The following LAMC3 variants were observed in gnomAD, a reference collection of about 807,000 sequenced individuals.
The protein encoded by LAMC3 is laminin subunit gamma 3, also known as laminin subunit gamma-3.
A neutral mutation model predicts 173.8 loss-of-function variants in LAMC3; 128 were observed. The observed-to-expected ratio is 0.74, with a 90% CI of 0.64 to 0.85. LAMC3 has a LOEUF of 0.85. Ranked by LOEUF, LAMC3 falls within the 40% of genes least tolerant of loss-of-function variation. The pLI, the probability that LAMC3 is intolerant of heterozygous loss-of-function variation, is 0.00. For missense variants in LAMC3, 2,022 were observed against 2,156.0 expected (o/e 0.94, Z 1.23); for synonymous variants, 897 against 909.1 (o/e 0.99, Z 0.24).
At chr9:131,024,623 T>C (rs1833686480) in intron 1 of LAMC3, among the ~76,000 whole-genome samples, 1 of 152,170 alleles carries the variant, frequency 6.6e-6, no homozygotes, top group Admixed American at 6.5e-5. Flanking sequence ...TCTTCTGTGC[T>C]GCTCTGGGAA....
intron 25 of LAMC3, 44 bp from the exon 26 acceptor site, chr9:131,087,432 G>A (rs1247328205): frequency 6.2e-7 from 1 of 1,612,340 alleles, no homozygotes; most frequent in African/African-American, 1.3e-5. Context: ...AAAAGGACTT[G>A]CTGCACTCAC....
intron 11 of LAMC3, among the ~76,000 whole-genome samples, chr9:131,056,529 TCA>T (rs1479082417): frequency 1.4e-5 from 2 of 147,138 alleles, no homozygotes; most frequent in Non-Finnish European, 3.0e-5. Flanking sequence ...GCGCAGTGGC[TCA>T]CACATGCAAT....
intron 1 of LAMC3, among the ~76,000 whole-genome samples, chr9:131,010,734 G>A (rs969203730): frequency 2.0e-5 from 3 of 152,242 alleles, no homozygotes; most frequent in African/African-American, 7.2e-5. Flanking sequence ...AGCTGCGCCC[G>A]GTGGCATGGC....
rs369251232 is a variant in LAMC3, at chr9:131,066,940, C to G, written c.2348-20C>G. 42 of 1,612,808 alleles carry G rather than the reference C, an allele frequency of 2.6e-5. No individual in the cohort carries two copies. Among genetic ancestry groups the G allele is most frequent in the Non-Finnish European group, 3.3e-5 (39 of 1,179,720 alleles). ...GGTCCAGCCAGCTGTGTTCCCCACACGTGCTCCCTCTACACACAGGGCGGC... is the reference window on the plus strand; with the variant it reads ...GGTCCAGCCAGCTGTGTTCCCCACAGGTGCTCCCTCTACACACAGGGCGGC... On this transcript the variant is annotated intron_variant, in intron 13 of 27. Coordinates refer to ENST00000361069, the MANE Select transcript of LAMC3 (RefSeq NM_006059.4).
At chr9:131,079,077 C>T (rs1830187146) in intron 22 of LAMC3, 72 bp from the exon 23 acceptor site, 1 of 1,568,610 alleles carries the variant, frequency 6.4e-7, no homozygotes, top group Non-Finnish European at 8.7e-7. Context: ...AGCAGGGCAC[C>T]TCCCCCAAGG....
chr9:131,086,902 A>G (rs537144887), intron 25 of LAMC3, among the ~76,000 whole-genome samples: 2,656 of 149,978 alleles, frequency 0.018, 76 homozygotes, highest in African/African-American at 0.062. Context: ...AAAAAAAAAG[A>G]AAAAAAAGAT....
intron 1 of LAMC3, among the ~76,000 whole-genome samples, chr9:131,015,986 G>A (rs1415307861): frequency 6.6e-6 from 1 of 152,180 alleles, no homozygotes; most frequent in Non-Finnish European, 1.5e-5. Flanking sequence ...ATAGCCAAAG[G>A]CAAGGCAGCC....
intron 12 of LAMC3, among the ~76,000 whole-genome samples, chr9:131,059,479 G>C (rs1307483413): frequency 5.0e-5 from 6 of 118,860 alleles, no homozygotes; most frequent in Non-Finnish European, 9.7e-5. Context: ...GCGACAGAGC[G>C]GACTCCGTCT....
intron 19 of LAMC3, 100 bp from the exon 20 acceptor site, chr9:131,073,145 G>A (rs910488673): frequency 1.2e-5 from 11 of 932,348 alleles, no homozygotes; most frequent in East Asian, 7.2e-5. Flanking sequence ...TTTATAAAAC[G>A]ACGGGTGCCA....
chr9:131,019,385 C>T (rs1833588151), intron 1 of LAMC3, among the ~76,000 whole-genome samples: 1 of 152,186 alleles, frequency 6.6e-6, no homozygotes, highest in Non-Finnish European at 1.5e-5. Context: ...AAGAGGTGCC[C>T]AATAAATGCT....
chr9:131,052,019 G>A (rs1389899246), intron 9 of LAMC3, among the ~76,000 whole-genome samples: 1 of 152,172 alleles, frequency 6.6e-6, no homozygotes, highest in Non-Finnish European at 1.5e-5. Context: ...GCATGGCCCG[G>A]GGCCCAGAGC....
intron 9 of LAMC3, among the ~76,000 whole-genome samples, chr9:131,050,803 G>A (rs544471619): frequency 6.6e-6 from 1 of 151,866 alleles, no homozygotes; most frequent in Non-Finnish European, 1.5e-5. Flanking sequence ...GTATTTAATG[G>A]TGCAAGCTTG....
At chr9:131,072,512 G>T in intron 18 of LAMC3, 118 bp from the exon 19 acceptor site, 1 of 833,122 alleles carries the variant, frequency 1.2e-6, no homozygotes, top group Non-Finnish European at 2.0e-6. Context: ...CTACCTGTTG[G>T]TGCTCAGGGC....
At position 131,082,140 on chromosome 9, in the gene LAMC3, A is replaced by G. The variant is rs1490540754; in HGVS notation, c.4009A>G (p.Thr1337Ala). The G allele has an allele frequency of 6.2e-7, 1 of 1,613,534 alleles. No homozygotes were observed. Among genetic ancestry groups the G allele is most frequent in the Non-Finnish European group, 8.5e-7 (1 of 1,179,764 alleles). ...GACAGTGACTGTCATGGGAGCCAGG[A>G]CTCTGCTGGCTGATCTGGAAGGTAC... is the stretch of plus-strand genomic sequence containing the variant. ...AATVTVMGAR[T>A]LLADLEGMKL... Residue 1337 changes from threonine to alanine, a missense_variant, in exon 24 of 28, where the codon ACT (threonine) becomes GCT (alanine). Transcript: ENST00000361069.
chr9:131,012,370 C>T (rs1446735238), intron 1 of LAMC3, among the ~76,000 whole-genome samples: 2 of 152,208 alleles, frequency 1.3e-5, no homozygotes, highest in Admixed American at 6.5e-5. Context: ...GGATAAGAGT[C>T]GCCACTTCCT....
intron 27 of LAMC3, among the ~76,000 whole-genome samples, chr9:131,091,030 A>G (rs1282803284): frequency 6.6e-6 from 1 of 152,178 alleles, no homozygotes; most frequent in East Asian, 1.9e-4. Flanking sequence ...CAATAAATAA[A>G]TAAATGCATC....
intron 3 of LAMC3, among the ~76,000 whole-genome samples, chr9:131,032,444 TC>T (rs1387131782): frequency 2.6e-4 from 33 of 124,708 alleles, no homozygotes; most frequent in East Asian, 1.2e-3. Context: ...CCTTCCTCCC[TC>T]CCTCCCTCCC....
intron 18 of LAMC3, among the ~76,000 whole-genome samples, chr9:131,072,264 G>A (rs1830048791): frequency 6.6e-6 from 1 of 152,172 alleles, no homozygotes; most frequent in Admixed American, 6.5e-5. Flanking sequence ...CCTGTTAGCA[G>A]GACTCACTGT....
At chr9:131,032,207 G>T (rs768230921) in intron 3 of LAMC3, 32 bp downstream of exon 3, 4 of 1,221,316 alleles carry the variant, frequency 3.3e-6, no homozygotes, top group Non-Finnish European at 4.5e-6. Context: ...GGGTGGCAGG[G>T]CTCCAGGACC....
Sources: allele counts gnomAD v4.1 joint callset (sites outside exome capture counted in the v4.1 genomes callset), GRCh38; gene constraint gnomAD v4.1.1; transcripts MANE v1.5; gene names NCBI Gene and HGNC (gene_info 2026-07-23, HGNC 2026-07-21).